The following CNTNAP4 variants were observed in gnomAD, a reference collection of about 807,000 sequenced individuals.
CNTNAP4 encodes the protein contactin-associated protein-like 4.
Under a neutral mutation model 148.4 loss-of-function variants are expected in CNTNAP4, and 98 were observed. That is an observed-to-expected ratio of 0.66 (90% confidence interval 0.56 to 0.78). The LOEUF is 0.78. Ranked by LOEUF, CNTNAP4 falls within the 30% of genes least tolerant of loss-of-function variation. The pLI, the probability that CNTNAP4 is intolerant of heterozygous loss-of-function variation, is 0.00. For missense variants in CNTNAP4, 1,935 were observed against 1,565.6 expected (o/e 1.24, Z -3.98); for synonymous variants, 730 against 565.1 (o/e 1.29, Z -4.14).
At chr16:76,393,783 A>G (rs1408802373) in intron 3 of CNTNAP4, among the ~76,000 whole-genome samples, 1 of 152,182 alleles carries the variant, frequency 6.6e-6, no homozygotes, top group Non-Finnish European at 1.5e-5. Flanking sequence ...CTGCGGTGCT[A>G]TGAGAACATG....
At chr16:76,446,607 C>T (rs1408811739) in intron 4 of CNTNAP4, among the ~76,000 whole-genome samples, 1 of 152,086 alleles carries the variant, frequency 6.6e-6, no homozygotes, top group Non-Finnish European at 1.5e-5. Context: ...ATGTCAATGT[C>T]ACAGTTATGC....
At chr16:76,317,753 T>TGTG (rs1431875767) in intron 2 of CNTNAP4, among the ~76,000 whole-genome samples, 1 of 152,102 alleles carries the variant, frequency 6.6e-6, no homozygotes, top group Admixed American at 6.6e-5. Flanking sequence ...TGCCATCTGG[T>TGTG]ATACATAATA....
At chr16:76,304,317 G>A (rs752973582) in intron 1 of CNTNAP4, among the ~76,000 whole-genome samples, 2 of 152,082 alleles carry the variant, frequency 1.3e-5, no homozygotes, top group Admixed American at 6.6e-5. Context: ...AGTGCAAGGC[G>A]ACAGGTAACC....
At chr16:76,331,105 G>A (rs1204528344) in intron 2 of CNTNAP4, among the ~76,000 whole-genome samples, 1 of 150,086 alleles carries the variant, frequency 6.7e-6, no homozygotes, top group Admixed American at 6.7e-5. Context: ...TCCAAAATAT[G>A]TTCTAAATAG....
At chr16:76,485,203 C>T (rs752345649) in intron 12 of CNTNAP4, among the ~76,000 whole-genome samples, 1 of 152,098 alleles carries the variant, frequency 6.6e-6, no homozygotes, top group Non-Finnish European at 1.5e-5. Flanking sequence ...TCTAAACCTC[C>T]GCCTCCCAGG....
chr16:76,335,307 A>G (rs371681092), intron 2 of CNTNAP4, among the ~76,000 whole-genome samples: 35 of 152,174 alleles, frequency 2.3e-4, no homozygotes, highest in East Asian at 7.7e-4. Flanking sequence ...AATAGACACA[A>G]TATCTCTGCA....
intron 2 of CNTNAP4, among the ~76,000 whole-genome samples, chr16:76,335,689 A>G (rs1963960151): frequency 6.6e-6 from 1 of 152,178 alleles, no homozygotes; most frequent in Non-Finnish European, 1.5e-5. Flanking sequence ...TGCCTGAACA[A>G]AGAAAAGTCA....
intron 15 of CNTNAP4, among the ~76,000 whole-genome samples, chr16:76,499,160 T>C (rs8044216): frequency 0.78 from 117,760 of 150,628 alleles, 47,892 homozygotes; most frequent in East Asian, 0.96. Context: ...CTCTGCCTCC[T>C]GGATTCACGC....
chr16:76,553,468 G>T lies in CNTNAP4; in HGVS notation c.3628G>T (p.Ala1210Ser), dbSNP rs750317273. 35 of 1,612,112 alleles carry T rather than the reference G, an allele frequency of 2.2e-5. No individual in the cohort carries two copies. The highest frequency in any genetic ancestry group is 1.7e-4 in the Middle Eastern group (1 of 6,054). Residue 1210 changes from alanine to serine, a missense_variant, in exon 22 of 24, where the codon GCC becomes TCC. Coordinates refer to ENST00000611870, the MANE Select transcript of CNTNAP4 (RefSeq NM_033401.5). ...CTGTATGGCCCAGCCTGGCACTGAT[G>T]CCACATCAAGGGAAAGGACACACTC... ...SSCMAQPGTD[A>S]TSRERTHSFA...
chr16:76,504,748 A>G (rs970657545), intron 15 of CNTNAP4, among the ~76,000 whole-genome samples: 1 of 152,144 alleles, frequency 6.6e-6, no homozygotes, highest in East Asian at 1.9e-4. Context: ...TATAAAAGTA[A>G]CTCTCTCGTG....
At chr16:76,496,107 G>GTGTGTA (rs1555576715) in intron 14 of CNTNAP4, among the ~76,000 whole-genome samples, 9 of 151,202 alleles carry the variant, frequency 6.0e-5, no homozygotes, top group South Asian at 2.1e-4. Flanking sequence ...GTGTGTGTGT[G>GTGTGTA]CGTGTATTTC....
intron 3 of CNTNAP4, among the ~76,000 whole-genome samples, chr16:76,384,988 T>A (rs1364842960): frequency 2.6e-5 from 4 of 152,182 alleles, no homozygotes; most frequent in African/African-American, 9.6e-5. Flanking sequence ...GTTGCAACAT[T>A]TTTTGAAGGA....
chr16:76,555,588 T>A (rs368005328), intron 23 of CNTNAP4, among the ~76,000 whole-genome samples: 11 of 152,250 alleles, frequency 7.2e-5, no homozygotes, highest in African/African-American at 2.6e-4. Flanking sequence ...CAGATAGAAA[T>A]ATAGAGTGGT....
chr16:76,363,688 G>A (rs1434651145), intron 3 of CNTNAP4, among the ~76,000 whole-genome samples: 1 of 152,152 alleles, frequency 6.6e-6, no homozygotes, highest in East Asian at 1.9e-4. Flanking sequence ...ATACAACAAA[G>A]TGAACAGGCA....
At chr16:76,500,249 C>G (rs1045488829) in intron 15 of CNTNAP4, among the ~76,000 whole-genome samples, 1 of 152,064 alleles carries the variant, frequency 6.6e-6, no homozygotes, top group African/African-American at 2.4e-5. Context: ...ACCTTCCGGA[C>G]GGGGCGGCTG....
intron 17 of CNTNAP4, among the ~76,000 whole-genome samples, chr16:76,522,645 C>CT (rs915972066): frequency 7.2e-6 from 1 of 139,746 alleles, no homozygotes; most frequent in Non-Finnish European, 1.6e-5. Flanking sequence ...TTCTTTCTTT[C>CT]TTTTCTCTCT....
At chr16:76,539,324 ATTG>A in intron 19 of CNTNAP4, among the ~76,000 whole-genome samples, 1 of 152,122 alleles carries the variant, frequency 6.6e-6, no homozygotes, top group African/African-American at 2.4e-5. Context: ...AATTTCATTA[ATTG>A]TTGTATTTCC....
At chr16:76,400,347 T>C (rs2078365057) in intron 3 of CNTNAP4, among the ~76,000 whole-genome samples, 1 of 152,228 alleles carries the variant, frequency 6.6e-6, no homozygotes, top group South Asian at 2.1e-4. Flanking sequence ...AAATTTGAAA[T>C]ATATAATATA....
In CNTNAP4 at chr16:76,538,378, A is replaced by G. The variant is rs374244548; in HGVS notation, c.3220+38A>G. ...TAGATGAGAGAGAGAAAATTAAATT[A>G]GAACACTAGCTCTGTAATAATATGG... On this transcript the variant is annotated intron_variant, in intron 19 of 23. Coordinates refer to ENST00000611870, the MANE Select transcript of CNTNAP4 (RefSeq NM_033401.5). 1.6e-4 allele frequency: 219 copies of G among 1,404,762 alleles called. 1 individual carries two copies. The Middle Eastern group carries it at 4.8e-3, about 31-fold the overall frequency. 87.0% of individuals were successfully genotyped at this position (1,404,762 alleles called of 1,614,324 possible).
Sources: gnomAD v4.1 joint callset for allele counts (sites outside exome capture counted in the v4.1 genomes callset) on GRCh38, gnomAD v4.1.1 for gene constraint, MANE v1.5 for transcripts, NCBI Gene and HGNC (gene_info 2026-07-23, HGNC 2026-07-21) for gene names.